The following SLAMF7 variants were observed in gnomAD, a reference collection of about 807,000 sequenced individuals.
The protein encoded by SLAMF7 is 19A24 protein.
In SLAMF7, 26 loss-of-function variants were observed where a neutral mutation model predicts 34.1. That is an observed-to-expected ratio of 0.76 (90% CI 0.56 to 1.06). SLAMF7 has a LOEUF of 1.06. Among genes scored for constraint, SLAMF7 ranks in the 50% least tolerant of loss-of-function variants. SLAMF7 has a pLI of 0.00. For missense variants in SLAMF7, 399 were observed against 402.5 expected, an observed-to-expected ratio of 0.99 and a Z score of 0.07; for synonymous variants, 171 against 156.4, an observed-to-expected ratio of 1.09 and a Z score of -0.70.
intron 1 of SLAMF7, among the ~76,000 whole-genome samples, chr1:160,740,793 G>T (rs945780784): frequency 3.9e-5 from 6 of 152,180 alleles, no homozygotes; most frequent in Non-Finnish European, 7.3e-5. Flanking sequence ...ACCTCCTCAT[G>T]AGTCTGTAAG....
chr1:160,742,353 G>A (rs1571104641), intron 1 of SLAMF7, among the ~76,000 whole-genome samples: 1 of 152,176 alleles, frequency 6.6e-6, no homozygotes, highest in East Asian at 1.9e-4. Flanking sequence ...AAAGGCAGGC[G>A]GGGGATGTAG....
At position 160,752,358 on chromosome 1, in the gene SLAMF7, A is replaced by C. The variant is rs562076463; in HGVS notation, c.936+110A>C. 1.2e-3 allele frequency: 928 copies of C among 772,158 alleles called. 12 individuals carry two copies. Among genetic ancestry groups the C allele is most frequent in the Non-Finnish European group, 1.8e-4 (82 of 456,622 alleles). 47.8% of individuals were successfully genotyped at this position (772,158 alleles called of 1,614,324 possible). A position where few individuals can be genotyped will look rare whatever the true frequency, so the allele number is the denominator to read the frequency against. On this transcript the variant is annotated intron_variant, in intron 6 of 6. Transcript: ENST00000368043. The stretch of plus-strand genomic sequence containing the variant: ...GGTATCTCATACTCTCTAGAATTAA[A>C]AAGTACCCTAGTAGTTCCCCATTCC...
In SLAMF7 at chr1:160,753,501, G is replaced by A. The variant is rs989603610; in HGVS notation, c.*324G>A. 7.1e-6 allele frequency: 2 copies of A among 282,906 alleles called. No homozygotes were observed. Among genetic ancestry groups the A allele is most frequent in the African/African-American group, 2.2e-5 (1 of 45,078 alleles). 17.5% of individuals were successfully genotyped at this position (282,906 alleles called of 1,614,324 possible). A position where few individuals can be genotyped will look rare whatever the true frequency, so the allele number is the denominator to read the frequency against. ...TGCAAGGTCACACATATTAATGACA[G>A]CCTGTTGTATTAATGATGGCTCCAG... On this transcript the variant is annotated 3_prime_UTR_variant, in exon 7 of 7. Coordinates refer to ENST00000368043, the MANE Select transcript of SLAMF7 (RefSeq NM_021181.5).
chr1:160,743,138 T>C (rs1447815674), intron 1 of SLAMF7, among the ~76,000 whole-genome samples: 3 of 152,168 alleles, frequency 2.0e-5, no homozygotes, highest in African/African-American at 4.8e-5. Flanking sequence ...AAATGATATA[T>C]GCAGCGACCA....
At position 160,748,393 on chromosome 1, in the gene SLAMF7, T is replaced by A; in HGVS notation, c.255T>A (p.Asp85Glu). The change falls in exon 2 of 7, where the codon GAT becomes GAA. Residue 85 changes from aspartate to glutamate, a missense_variant. Physicochemically the swap from Asp to Glu is conservative, Grantham distance 45. Transcript: ENST00000368043. ...NRNRERVDFP[D>E]GGYSLKLSKL... Reference sequence around the variant, plus strand: ...ATAGGGAGAGAGTAGACTTCCCAGATGGAGGCTACTCCCTGAAGCTCAGCA... The same window carrying A: ...ATAGGGAGAGAGTAGACTTCCCAGAAGGAGGCTACTCCCTGAAGCTCAGCA... The A allele has an allele frequency of 6.2e-7, 1 of 1,614,028 alleles. No individual in the cohort carries two copies. The highest frequency in any genetic ancestry group is 8.5e-7 in the Non-Finnish European group (1 of 1,179,952).
Position 160,753,159 on chromosome 1 carries a change from C to A in SLAMF7, c.990C>A (p.Ala330=). Residue 330 remains alanine, a synonymous_variant, in exon 7 of 7, where the codon GCC becomes GCA. Transcript: ENST00000368043. ...TGCCAGACACACCAAGGCTATTTGC[C>A]TATGAGAATGTTATCTAGACAGCAG... is the stretch of plus-strand genomic sequence containing the variant. ...LTMPDTPRLF[A]YENVI 1 of 1,613,030 alleles carries A rather than the reference C, an allele frequency of 6.2e-7. No individual in the cohort carries two copies. Among genetic ancestry groups the A allele is most frequent in the Non-Finnish European group, 8.5e-7 (1 of 1,179,862 alleles).
chr1:160,747,254 G>A (rs137895873), intron 1 of SLAMF7, among the ~76,000 whole-genome samples: 138 of 152,220 alleles, frequency 9.1e-4, no homozygotes, highest in African/African-American at 3.2e-3. Flanking sequence ...TCAAGGTCTC[G>A]ACCCTGTGGG....
rs142512910 is a variant in SLAMF7, at chr1:160,749,278, C to T, written c.377-543C>T. 9.9e-4 allele frequency among the ~76,000 whole-genome samples: 151 copies of T among 152,356 alleles called. 1 individual carries two copies. The highest frequency in any genetic ancestry group is 3.4e-3 in the African/African-American group (141 of 41,590). On this transcript the variant is annotated intron_variant, in intron 2 of 6. Transcript: ENST00000368043. The stretch of plus-strand genomic sequence containing the variant: ...AACACATTTTAACTGCAACCTTTAA[C>T]GTCTCAAACCCATGAGTAGAGAAAG...
chr1:160,753,738 C>T lies in SLAMF7; in HGVS notation c.*561C>T, dbSNP rs878953202. On this transcript the variant is annotated 3_prime_UTR_variant, in exon 7 of 7. Transcript: ENST00000368043. Reference sequence around the variant, plus strand: ...CTAATTGGTCAGACATGCTGTCTGCCCTCATGAAATTGGCTCCAAATGAAT... The same window carrying T: ...CTAATTGGTCAGACATGCTGTCTGCTCTCATGAAATTGGCTCCAAATGAAT... 1 of 152,734 alleles carries T rather than the reference C, an allele frequency of 6.5e-6. No individual in the cohort carries two copies. Among genetic ancestry groups the T allele is most frequent in the African/African-American group, 2.4e-5 (1 of 41,454 alleles). 9.5% of individuals were successfully genotyped at this position (152,734 alleles called of 1,614,324 possible). A position where few individuals can be genotyped will look rare whatever the true frequency, so the allele number is the denominator to read the frequency against.
At chr1:160,746,364 G>A (rs1004726697) in intron 1 of SLAMF7, among the ~76,000 whole-genome samples, 3 of 152,192 alleles carry the variant, frequency 2.0e-5, no homozygotes, top group Non-Finnish European at 2.9e-5. Context: ...CCTTGCAGTA[G>A]CATCATTAGA....
At chr1:160,745,530 T>G (rs536032698) in intron 1 of SLAMF7, among the ~76,000 whole-genome samples, 1 of 152,236 alleles carries the variant, frequency 6.6e-6, no homozygotes, top group Non-Finnish European at 1.5e-5. Flanking sequence ...TTTGTTGTTG[T>G]CGTTGTTTGA....
At chr1:160,745,172 C>T (rs1664029181) in intron 1 of SLAMF7, among the ~76,000 whole-genome samples, 1 of 152,172 alleles carries the variant, frequency 6.6e-6, no homozygotes, top group African/African-American at 2.4e-5. Flanking sequence ...TTGGCAGAGA[C>T]TTCAGATCTG....
chr1:160,748,832 C>G (rs772239765), intron 2 of SLAMF7, among the ~76,000 whole-genome samples: 2 of 152,164 alleles, frequency 1.3e-5, no homozygotes, highest in African/African-American at 4.8e-5. Context: ...GTTTCCATAT[C>G]TGTAGTGGGG....
In SLAMF7 at chr1:160,749,855, G is replaced by A; in HGVS notation, c.411G>A (p.Leu137=). ...HLSKPKVTMG[L]QSNKNGTCVT... Reference sequence around the variant, plus strand: ...CAAAGCCTAAAGTCACCATGGGTCTGCAGAGCAATAAGAATGGCACCTGTG... The same window carrying A: ...CAAAGCCTAAAGTCACCATGGGTCTACAGAGCAATAAGAATGGCACCTGTG... The change falls in exon 3 of 7, where the codon CTG becomes CTA. Residue 137 remains leucine, a synonymous_variant. Coordinates refer to ENST00000368043, the MANE Select transcript of SLAMF7 (RefSeq NM_021181.5). The A allele has an allele frequency of 6.2e-7, 1 of 1,612,072 alleles. No individual in the cohort carries two copies. Among genetic ancestry groups the A allele is most frequent in the Non-Finnish European group, 8.5e-7 (1 of 1,178,888 alleles).
chr1:160,743,784 G>T (rs954854951), intron 1 of SLAMF7, among the ~76,000 whole-genome samples: 5 of 152,170 alleles, frequency 3.3e-5, no homozygotes, highest in African/African-American at 9.7e-5. Flanking sequence ...CACCTTCTGG[G>T]TTCAAGGAAT....
chr1:160,748,143 G>T (rs747313874), intron 1 of SLAMF7, 51 bp from the exon 2 acceptor site: 2 of 1,568,608 alleles, frequency 1.3e-6, no homozygotes, highest in Non-Finnish European at 1.7e-6. Context: ...GTGAGTAATT[G>T]GTGACAAGGA....
At chr1:160,749,748 G>C (rs1247394939) in intron 2 of SLAMF7, 73 bp from the exon 3 acceptor site, 4 of 1,351,668 alleles carry the variant, frequency 3.0e-6, no homozygotes, top group Middle Eastern at 4.0e-4. Flanking sequence ...CAGGTCCAAG[G>C]TATCCAAGGA....
chr1:160,751,033 CTTGCAGACT>C (rs1664534449), intron 4 of SLAMF7: 6 of 348,254 alleles, frequency 1.7e-5, no homozygotes, highest in Admixed American at 4.4e-5. Context: ...TTGGGTATGA[CTTGCAGACT>C]TTGAAATCTC....
chr1:160,751,844 CTCTCTCTCTCTCTCTCTCTATA>C (rs1342628807), intron 5 of SLAMF7: 25 of 62,622 alleles, frequency 4.0e-4, no homozygotes, highest in African/African-American at 1.2e-3. Context: ...CTCTCTCTCT[CTCTCTCTCTCTCTCTCTCTATA>C]TATATATATA....
Sources: gnomAD v4.1 joint callset for allele counts (sites outside exome capture counted in the v4.1 genomes callset) on GRCh38, gnomAD v4.1.1 for gene constraint, MANE v1.5 for transcripts, NCBI Gene and HGNC (gene_info 2026-07-23, HGNC 2026-07-21) for gene names.